ABCB1: variants seen among roughly 807,000 people sequenced by gnomAD.
The protein encoded by ABCB1 is ATP binding cassette subfamily B member 1, also known as ATP-dependent translocase ABCB1.
Under a neutral mutation model 142.0 loss-of-function variants are expected in ABCB1, and 69 were observed. The ratio of observed to expected loss-of-function variants is 0.49; its 90% confidence interval spans 0.40 to 0.59. The LOEUF is 0.59. Ranked by LOEUF, ABCB1 falls within the 20% of genes least tolerant of loss-of-function variation. The pLI is 0.00. For synonymous variants in ABCB1, 532 were observed against 539.2 expected (o/e 0.99, Z 0.18); for missense variants, 1,326 against 1,554.7 (o/e 0.85, Z 2.47).
chr7:87,698,351 C>G (rs984456394), intron 1 of ABCB1, among the ~76,000 whole-genome samples: 1 of 152,168 alleles, frequency 6.6e-6, no homozygotes, highest in African/African-American at 2.4e-5. Flanking sequence ...ACCTCGGCCT[C>G]CCAAAGTGCT....
chr7:87,613,257 C>CTTTTTTTTT (rs67823385), intron 1 of ABCB1, among the ~76,000 whole-genome samples: 1,745 of 64,102 alleles, frequency 0.027, 4 homozygotes, highest in African/African-American at 0.042. Flanking sequence ...TCCTTTATTT[C>CTTTTTTTTT]TTTTTTTTTT....
intron 1 of ABCB1, among the ~76,000 whole-genome samples, chr7:87,706,264 G>T (rs181452803): frequency 5.3e-5 from 8 of 152,192 alleles, no homozygotes; most frequent in Admixed American, 1.3e-4. Flanking sequence ...TATTCTCAGT[G>T]CAGTGGGGGA....
At chr7:87,705,459 A>C (rs951807607) in intron 1 of ABCB1, among the ~76,000 whole-genome samples, 2 of 152,158 alleles carry the variant, frequency 1.3e-5, no homozygotes, top group East Asian at 1.9e-4. Flanking sequence ...ACAAAAAAAA[A>C]CAATGAAATG....
intron 1 of ABCB1, among the ~76,000 whole-genome samples, chr7:87,619,254 G>T (rs2130087559): frequency 1.3e-5 from 2 of 152,136 alleles, no homozygotes; most frequent in Admixed American, 1.3e-4. Flanking sequence ...TGAAATGTAA[G>T]CTTGGCTGGG....
chr7:87,697,477 A>G (rs540839369), intron 1 of ABCB1, among the ~76,000 whole-genome samples: 1 of 152,320 alleles, frequency 6.6e-6, no homozygotes, highest in East Asian at 1.9e-4. Flanking sequence ...ACATTTGAGG[A>G]AGTAACTTTA....
intron 1 of ABCB1, among the ~76,000 whole-genome samples, chr7:87,615,645 TG>T (rs1820009905): frequency 6.6e-6 from 1 of 152,202 alleles, no homozygotes. Context: ...GCTTAGACTC[TG>T]GATATATTTT....
At chr7:87,669,097 T>C (rs905755973) in intron 1 of ABCB1, among the ~76,000 whole-genome samples, 1 of 152,140 alleles carries the variant, frequency 6.6e-6, no homozygotes, top group Non-Finnish European at 1.5e-5. Context: ...CCACTATTTT[T>C]TCCATGGGAG....
chr7:87,558,818 T>C (rs1005796480), intron 8 of ABCB1, among the ~76,000 whole-genome samples: 7 of 152,032 alleles, frequency 4.6e-5, no homozygotes, highest in Non-Finnish European at 8.8e-5. Flanking sequence ...GCTTTTCCCC[T>C]TACATCACAA....
At chr7:87,505,637 T>G (rs111521550) in intron 27 of ABCB1, among the ~76,000 whole-genome samples, 5 of 152,130 alleles carry the variant, frequency 3.3e-5, no homozygotes, top group African/African-American at 1.2e-4. Flanking sequence ...AAGTAGGAAA[T>G]ATGGTTCCTG....
At chr7:87,506,475 T>C (rs1334667228) in intron 26 of ABCB1, among the ~76,000 whole-genome samples, 1 of 152,184 alleles carries the variant, frequency 6.6e-6, no homozygotes, top group Non-Finnish European at 1.5e-5. Flanking sequence ...AGGAAAGACA[T>C]TCTTGGGATA....
chr7:87,571,975 A>G (rs1818075881), intron 4 of ABCB1, among the ~76,000 whole-genome samples: 1 of 152,232 alleles, frequency 6.6e-6, no homozygotes, highest in South Asian at 2.1e-4. Flanking sequence ...GCAGAAGCTT[A>G]GAAAAACATG....
chr7:87,671,255 A>G (rs1825799858), intron 1 of ABCB1, among the ~76,000 whole-genome samples: 2 of 152,118 alleles, frequency 1.3e-5, no homozygotes, highest in African/African-American at 4.8e-5. Context: ...TGGACACGAC[A>G]CTTAGGGTTT....
chr7:87,628,804 G>T, intron 1 of ABCB1: 1 of 1,226,680 alleles, frequency 8.2e-7, no homozygotes, highest in African/African-American at 1.6e-5. Context: ...AGACAAAAGG[G>T]GCACGGGGGT....
chr7:87,512,936 T>C (rs1815081716), intron 25 of ABCB1, among the ~76,000 whole-genome samples: 1 of 152,242 alleles, frequency 6.6e-6, no homozygotes. Context: ...TGACCTTTTA[T>C]ACATCAAGGG....
At chr7:87,544,535 C>A (rs968140804) in intron 16 of ABCB1, among the ~76,000 whole-genome samples, 10 of 152,238 alleles carry the variant, frequency 6.6e-5, no homozygotes, top group African/African-American at 2.4e-4. Flanking sequence ...ATTTGGTACT[C>A]AGAACCTGAC....
Position 87,618,819 on chromosome 7 carries a change from G to C in ABCB1, c.-330-17741C>G, listed in dbSNP as rs1279540284. On this transcript the variant is annotated intron_variant, in intron 1 of 28. Transcript: ENST00000265724. The stretch of plus-strand genomic sequence containing the variant: ...TAGGGGTAGAAGAAGTCAGAAATTT[G>C]AATCATGAAATTTGATAGATGGAGG... 2.0e-5 allele frequency among the ~76,000 whole-genome samples: 3 copies of C among 152,260 alleles called. No individual in the cohort carries two copies. The East Asian group carries it at 5.8e-4, about 29-fold the overall frequency.
intron 1 of ABCB1, chr7:87,629,044 C>A: frequency 2.7e-6 from 3 of 1,114,646 alleles, no homozygotes; most frequent in Non-Finnish European, 2.3e-6. Context: ...GATGGGCTGC[C>A]GCCCAGTGCC....
chr7:87,539,566 T>A lies in ABCB1; in HGVS notation c.2320-221A>T, dbSNP rs1339636463. On this transcript the variant is annotated intron_variant, in intron 18 of 27. Transcript: ENST00000622132. ...AGAAACTGAGGCTTAGAGAGCCTGA[T>A]AAGATCCATAGCCCACAGTTATAAG... 2.6e-5 allele frequency among the ~76,000 whole-genome samples: 4 copies of A among 152,194 alleles called. No individual in the cohort carries two copies. In the East Asian group the frequency reaches 7.7e-4, roughly 29 times the overall value.
chr7:87,507,629 A>T (rs889319888), intron 26 of ABCB1, among the ~76,000 whole-genome samples: 1 of 152,166 alleles, frequency 6.6e-6, no homozygotes, highest in Non-Finnish European at 1.5e-5. Flanking sequence ...AGAAGAGCCT[A>T]TGGAAGAAGG....
Sources: gnomAD v4.1 joint callset for allele counts (sites outside exome capture counted in the v4.1 genomes callset) on GRCh38, gnomAD v4.1.1 for gene constraint, MANE v1.5 for transcripts, NCBI Gene and HGNC (gene_info 2026-07-23, HGNC 2026-07-21) for gene names.